The following XKR4 variants were observed in gnomAD, a reference collection of about 807,000 sequenced individuals.
The protein encoded by XKR4 is XK related 4, also known as XK-related protein 4.
In XKR4, 12 loss-of-function variants were observed where a neutral mutation model predicts 53.9. That is an observed-to-expected ratio of 0.22 (90% confidence interval 0.14 to 0.36). The LOEUF is 0.36. Ranked by LOEUF, XKR4 falls within the 10% of genes least tolerant of loss-of-function variation. XKR4 has a pLI of 1.00. For missense variants in XKR4, 799 were observed against 859.5 expected, an observed-to-expected ratio of 0.93 and a Z score of 0.88; for synonymous variants, 354 against 362.4, an observed-to-expected ratio of 0.98 and a Z score of 0.26.
At chr8:55,487,958 A>G (rs567153615) in intron 2 of XKR4, among the ~76,000 whole-genome samples, 1 of 152,366 alleles carries the variant, frequency 6.6e-6, no homozygotes, top group East Asian at 1.9e-4. Flanking sequence ...TCCCTTCCAC[A>G]GAACTCTGCT....
intron 1 of XKR4, among the ~76,000 whole-genome samples, chr8:55,334,418 C>T (rs1168074022): frequency 2.0e-5 from 3 of 152,162 alleles, no homozygotes; most frequent in Admixed American, 6.5e-5. Context: ...ATAACAGTTT[C>T]TCAATCTGTG....
intron 2 of XKR4, among the ~76,000 whole-genome samples, chr8:55,484,563 G>A (rs1186786514): frequency 6.6e-6 from 1 of 152,146 alleles, no homozygotes; most frequent in Non-Finnish European, 1.5e-5. Flanking sequence ...TGCCAAAGAA[G>A]AAAAATTACA....
In XKR4 at chr8:55,265,751, C is replaced by T. The variant is rs181538154; in HGVS notation, c.807-91927C>T. Among the ~76,000 whole-genome samples, 1,243 of 151,708 alleles carry T rather than the reference C, an allele frequency of 8.2e-3. 10 individuals carry two copies. Among genetic ancestry groups the T allele is most frequent in the Non-Finnish European group, 6.8e-3 (464 of 67,918 alleles). ...TCCCAGCATTTTGGGGGGGTCAAGG[C>T]GGGCAGATCATGAGGTCAAGAGATC... On this transcript the variant is annotated intron_variant, in intron 1 of 2. Transcript: ENST00000327381.
intron 1 of XKR4, among the ~76,000 whole-genome samples, chr8:55,266,997 A>G (rs1818613227): frequency 6.6e-6 from 1 of 152,174 alleles, no homozygotes; most frequent in Admixed American, 6.5e-5. Flanking sequence ...TGCAATGACA[A>G]GATCAAAGAT....
chr8:55,197,880 A>G (rs1011224652), intron 1 of XKR4, among the ~76,000 whole-genome samples: 3 of 152,206 alleles, frequency 2.0e-5, no homozygotes, highest in African/African-American at 7.2e-5. Context: ...TTTCATGACT[A>G]AAATTCCTGA....
chr8:55,156,325 C>T (rs1046739255), intron 1 of XKR4, among the ~76,000 whole-genome samples: 25 of 150,866 alleles, frequency 1.7e-4, no homozygotes, highest in African/African-American at 6.1e-4. Context: ...ATTTTGAATC[C>T]AAATGACCGC....
chr8:55,302,918 A>G (rs1213053454), intron 1 of XKR4, among the ~76,000 whole-genome samples: 2 of 152,030 alleles, frequency 1.3e-5, no homozygotes, highest in African/African-American at 4.8e-5. Context: ...GGATTTTCTA[A>G]ATATACAATC....
chr8:55,414,707 C>T (rs554861139), intron 2 of XKR4, among the ~76,000 whole-genome samples: 18 of 152,074 alleles, frequency 1.2e-4, no homozygotes, highest in East Asian at 3.9e-4. Context: ...ACCACATATA[C>T]GTTATTTTTC....
chr8:55,216,875 T>A (rs186832329), intron 1 of XKR4, among the ~76,000 whole-genome samples: 18 of 150,266 alleles, frequency 1.2e-4, no homozygotes, highest in Non-Finnish European at 2.4e-4. Flanking sequence ...TATATATAAA[T>A]AAGAAAGCAT....
intron 1 of XKR4, among the ~76,000 whole-genome samples, chr8:55,155,178 C>T (rs758412050): frequency 1.6e-4 from 25 of 152,164 alleles, no homozygotes; most frequent in Non-Finnish European, 3.1e-4. Context: ...GAATATAATG[C>T]TGCGCGCTGA....
intron 1 of XKR4, among the ~76,000 whole-genome samples, chr8:55,258,176 G>A (rs1228284907): frequency 6.6e-6 from 1 of 152,234 alleles, no homozygotes; most frequent in Non-Finnish European, 1.5e-5. Flanking sequence ...GCACAAGGAA[G>A]GGGGACACTG....
intron 1 of XKR4, among the ~76,000 whole-genome samples, chr8:55,315,665 CAT>C (rs1819462699): frequency 6.6e-6 from 1 of 152,122 alleles, no homozygotes; most frequent in Admixed American, 6.5e-5. Flanking sequence ...TCTCTAAAAA[CAT>C]AAAACCAAAT....
At chr8:55,505,696 C>G (rs1806516893) in intron 2 of XKR4, among the ~76,000 whole-genome samples, 1 of 152,178 alleles carries the variant, frequency 6.6e-6, no homozygotes, top group Non-Finnish European at 1.5e-5. Context: ...TAATTTCAGT[C>G]CTTTGAAATG....
intron 2 of XKR4, among the ~76,000 whole-genome samples, chr8:55,431,485 CA>C (rs200703012): frequency 1.3e-5 from 2 of 151,278 alleles, no homozygotes; most frequent in Non-Finnish European, 3.0e-5. Context: ...TCAGTTTTTC[CA>C]AAAAAAAGAG....
chr8:55,469,489 T>C (rs1280533140), intron 2 of XKR4, among the ~76,000 whole-genome samples: 1 of 152,094 alleles, frequency 6.6e-6, no homozygotes, highest in Admixed American at 6.6e-5. Context: ...GTGTTTAAAG[T>C]TTCTGTAAAT....
intron 1 of XKR4, among the ~76,000 whole-genome samples, chr8:55,322,660 G>A (rs1263375519): frequency 6.6e-6 from 1 of 152,188 alleles, no homozygotes; most frequent in Non-Finnish European, 1.5e-5. Flanking sequence ...ATTTGTTTAA[G>A]TTTTACCAGT....
intron 1 of XKR4, among the ~76,000 whole-genome samples, chr8:55,245,809 T>C (rs1818277093): frequency 6.6e-6 from 1 of 152,058 alleles, no homozygotes; most frequent in African/African-American, 2.4e-5. Context: ...TGCCTCCCAA[T>C]GTAGGCTGGG....
At chr8:55,185,922 A>T (rs1817371353) in intron 1 of XKR4, among the ~76,000 whole-genome samples, 1 of 152,228 alleles carries the variant, frequency 6.6e-6, no homozygotes, top group South Asian at 2.1e-4. Context: ...GACTCAAAAA[A>T]GGCCAGTGGT....
intron 1 of XKR4, among the ~76,000 whole-genome samples, chr8:55,281,660 G>T (rs1211406865): frequency 6.6e-6 from 1 of 152,188 alleles, no homozygotes; most frequent in East Asian, 1.9e-4. Context: ...ATTTGAGAGT[G>T]CTGGGGAACC....
Sources: allele counts gnomAD v4.1 joint callset (sites outside exome capture counted in the v4.1 genomes callset), GRCh38; gene constraint gnomAD v4.1.1; transcripts MANE v1.5; gene names NCBI Gene and HGNC (gene_info 2026-07-23, HGNC 2026-07-21).